SPHKAP: variants seen among roughly 807,000 people sequenced by gnomAD.
The protein encoded by SPHKAP is SPHK1 interactor, AKAP domain containing.
Under a neutral mutation model 137.5 loss-of-function variants are expected in SPHKAP, and 67 were observed. That is an observed-to-expected ratio of 0.49 (90% CI 0.40 to 0.60). The LOEUF is 0.60. SPHKAP is among the 20% of genes least tolerant of loss of function. SPHKAP has a pLI of 0.00. For missense variants in SPHKAP, 2,097 were observed against 2,069.3 expected (o/e 1.01, Z -0.26); for synonymous variants, 813 against 785.3 (o/e 1.04, Z -0.59).
chr2:227,988,698 C>T (rs1693302392), intron 11 of SPHKAP, among the ~76,000 whole-genome samples: 2 of 152,290 alleles, frequency 1.3e-5, no homozygotes, highest in South Asian at 4.2e-4. Flanking sequence ...CTTTCATTTT[C>T]CCATGAGCCT....
intron 1 of SPHKAP, among the ~76,000 whole-genome samples, chr2:228,160,505 G>A (rs142554205): frequency 5.9e-5 from 9 of 152,208 alleles, no homozygotes; most frequent in African/African-American, 2.2e-4. Flanking sequence ...GAGCAAAGAG[G>A]GAAAAGCCCC....
At chr2:228,006,079 G>T (rs1314108674) in intron 7 of SPHKAP, among the ~76,000 whole-genome samples, 1 of 152,130 alleles carries the variant, frequency 6.6e-6, no homozygotes, top group Non-Finnish European at 1.5e-5. Flanking sequence ...GAATTTGAAT[G>T]TTGGCCTGCC....
chr2:228,143,873 T>A (rs1699684559), intron 1 of SPHKAP, among the ~76,000 whole-genome samples: 1 of 152,132 alleles, frequency 6.6e-6, no homozygotes, highest in African/African-American at 2.4e-5. Context: ...AAATTGTAAG[T>A]CCTTGCCACG....
At chr2:228,063,860 T>C (rs903541619) in intron 3 of SPHKAP, among the ~76,000 whole-genome samples, 9 of 152,234 alleles carry the variant, frequency 5.9e-5, no homozygotes, top group African/African-American at 1.9e-4. Context: ...CCATTCATCC[T>C]GAAATTATGT....
intron 2 of SPHKAP, among the ~76,000 whole-genome samples, chr2:228,126,044 C>T (rs894655764): frequency 6.6e-6 from 1 of 152,032 alleles, no homozygotes; most frequent in Non-Finnish European, 1.5e-5. Flanking sequence ...CACGCAACTG[C>T]ACACCAGCCT....
chr2:228,085,815 T>TC (rs1199526281), intron 3 of SPHKAP, among the ~76,000 whole-genome samples: 2 of 152,208 alleles, frequency 1.3e-5, no homozygotes, highest in Non-Finnish European at 2.9e-5. Context: ...GTTTTTTTTT[T>TC]CTGAGAGAAA....
At chr2:228,147,560 A>C (rs565126039) in intron 1 of SPHKAP, among the ~76,000 whole-genome samples, 16 of 152,338 alleles carry the variant, frequency 1.1e-4, no homozygotes, top group African/African-American at 3.4e-4. Context: ...ACTACTATGC[A>C]GAAGTCAGAA....
chr2:228,115,423 A>T (rs765480808), intron 2 of SPHKAP, among the ~76,000 whole-genome samples: 6 of 152,118 alleles, frequency 3.9e-5, no homozygotes, highest in Non-Finnish European at 5.9e-5. Context: ...ATATCAGGAC[A>T]ATTCTCCCAG....
intron 3 of SPHKAP, among the ~76,000 whole-genome samples, chr2:228,087,061 T>C (rs911434367): frequency 2.6e-5 from 4 of 151,996 alleles, no homozygotes; most frequent in African/African-American, 9.7e-5. Context: ...AGGTCAAACA[T>C]TCAGGGGCAT....
At chr2:228,048,673 A>C (rs1171528303) in intron 3 of SPHKAP, among the ~76,000 whole-genome samples, 1 of 152,146 alleles carries the variant, frequency 6.6e-6, no homozygotes, top group Non-Finnish European at 1.5e-5. Context: ...CAGAACAGTA[A>C]CCTGCTGTAC....
rs548117773 is a variant in SPHKAP at position 228,032,713 on chromosome 2, G to T, written c.247-5170C>A. Among the ~76,000 whole-genome samples, 25 of 152,234 alleles carry T rather than the reference G, an allele frequency of 1.6e-4. No homozygotes were observed. In the East Asian group the frequency reaches 4.4e-3, roughly 27 times the overall value. ...ACTCTACAAGCCAGAAAAGAGTAGG[G>T]ACCAATATTCAACATTCTTAAAGAA... On this transcript the variant is annotated intron_variant, in intron 3 of 11. Coordinates refer to ENST00000392056, the MANE Select transcript of SPHKAP (RefSeq NM_001142644.2).
At chr2:227,983,416 A>G (rs1391549965) in intron 11 of SPHKAP, among the ~76,000 whole-genome samples, 7 of 152,196 alleles carry the variant, frequency 4.6e-5, no homozygotes. Context: ...AAATATAAAC[A>G]TTGTCTTAAA....
At chr2:228,030,897 G>A (rs1342994692) in intron 3 of SPHKAP, among the ~76,000 whole-genome samples, 1 of 152,148 alleles carries the variant, frequency 6.6e-6, no homozygotes, top group South Asian at 2.1e-4. Flanking sequence ...TGTTTTACGA[G>A]GGTGGAGCCA....
intron 1 of SPHKAP, chr2:228,132,509 TG>T: frequency 1.2e-6 from 1 of 862,610 alleles, no homozygotes; most frequent in Non-Finnish European, 1.4e-6. Context: ...AATTTTAATC[TG>T]GACTCAGAAT....
intron 1 of SPHKAP, among the ~76,000 whole-genome samples, chr2:228,132,934 G>A (rs1163810396): frequency 1.3e-5 from 2 of 152,004 alleles, no homozygotes; most frequent in Non-Finnish European, 2.9e-5. Flanking sequence ...AACCCGGGAG[G>A]TGGAGGTTGC....
At chr2:228,053,915 G>A (rs1000366067) in intron 3 of SPHKAP, among the ~76,000 whole-genome samples, 1 of 152,186 alleles carries the variant, frequency 6.6e-6, no homozygotes, top group African/African-American at 2.4e-5. Flanking sequence ...TGTGGTTTCA[G>A]GAGGGAACAG....
Position 228,025,542 on chromosome 2 carries a change from A to G in SPHKAP, c.307-14T>C, listed in dbSNP as rs1559354578. On this transcript the variant is annotated splice_polypyrimidine_tract_variant and intron_variant, in intron 4 of 11. Coordinates refer to ENST00000392056, the MANE Select transcript of SPHKAP (RefSeq NM_001142644.2). The stretch of plus-strand genomic sequence containing the variant: ...GTTGACCAGTTTCTGTAAAGCAAGA[A>G]TCTTTATTAGTTTAGCTGATTTCTT... The G allele has an allele frequency of 6.2e-7, 1 of 1,612,768 alleles. No individual in the cohort carries two copies. The highest frequency in any genetic ancestry group is 8.5e-7 in the Non-Finnish European group (1 of 1,179,554).
intron 11 of SPHKAP, among the ~76,000 whole-genome samples, chr2:227,982,757 G>A (rs1350878624): frequency 6.6e-6 from 1 of 152,156 alleles, no homozygotes; most frequent in Non-Finnish European, 1.5e-5. Flanking sequence ...TTGTCAGTAG[G>A]ATCATGGTCT....
At chr2:228,007,483 C>T (rs1694187231) in intron 7 of SPHKAP, among the ~76,000 whole-genome samples, 1 of 152,064 alleles carries the variant, frequency 6.6e-6, no homozygotes, top group Non-Finnish European at 1.5e-5. Flanking sequence ...CTCCCCCAGT[C>T]CCCAGCCTCT....
Sources: allele counts gnomAD v4.1 joint callset (sites outside exome capture counted in the v4.1 genomes callset), GRCh38; gene constraint gnomAD v4.1.1; transcripts MANE v1.5; gene names NCBI Gene and HGNC (gene_info 2026-07-23, HGNC 2026-07-21).